The following KCNS3 variants were observed in gnomAD, a reference collection of about 807,000 sequenced individuals.
KCNS3 encodes the protein potassium voltage-gated channel modifier subfamily S member 3.
In KCNS3, 13 loss-of-function variants were observed where a neutral mutation model predicts 31.0. That is an observed-to-expected ratio of 0.42 (90% confidence interval 0.27 to 0.67). The LOEUF (loss-of-function observed/expected upper bound fraction) is 0.67, where lower values mean the gene tolerates loss of function less well. Ranked by LOEUF, KCNS3 falls within the 30% of genes least tolerant of loss-of-function variation. KCNS3 has a pLI of 0.25. For missense variants in KCNS3, 545 were observed against 622.4 expected, an observed-to-expected ratio of 0.88 and a Z score of 1.32; for synonymous variants, 238 against 241.5, an observed-to-expected ratio of 0.99 and a Z score of 0.13.
chr2:17,911,924 G>A (rs1236127691), intron 1 of KCNS3, among the ~76,000 whole-genome samples: 1 of 152,170 alleles, frequency 6.6e-6, no homozygotes, highest in East Asian at 1.9e-4. Flanking sequence ...AGTGCTGCAA[G>A]GATTAAATGG....
chr2:17,902,275 T>C (rs1333040363), intron 1 of KCNS3, among the ~76,000 whole-genome samples: 1 of 151,334 alleles, frequency 6.6e-6, no homozygotes, highest in Non-Finnish European at 1.5e-5. Context: ...AAAGGAAGGG[T>C]GAATGTAGAA....
At chr2:17,882,124 A>G (rs1674658447) in intron 1 of KCNS3, among the ~76,000 whole-genome samples, 1 of 152,202 alleles carries the variant, frequency 6.6e-6, no homozygotes, top group Admixed American at 6.5e-5. Context: ...AGTGCCCAGT[A>G]CTACAGGCAA....
At chr2:17,878,613 C>G (rs1319060271), upstream of KCNS3, 1 of 148,200 alleles carries the variant, frequency 6.7e-6, no homozygotes, top group African/African-American at 2.4e-5. Context: ...CGTCCGGCCC[C>G]GCCCCGCCCG....
rs527274909 is a variant in KCNS3, at chr2:17,886,409, C to T, written c.-252+7603C>T. Among the ~76,000 whole-genome samples the T allele has an allele frequency of 3.5e-4, 53 of 152,250 alleles. 2 individuals carry two copies. The South Asian group carries it at 8.5e-3, about 24-fold the overall frequency. The stretch of plus-strand genomic sequence containing the variant: ...GTTGTAGCAAAGGCATTTCATTATT[C>T]TTGTCTTTGAGTTCAGACAAAACAC... On this transcript the variant is annotated intron_variant, in intron 1 of 2. Coordinates refer to ENST00000304101, the MANE Select transcript of KCNS3 (RefSeq NM_002252.5).
intron 1 of KCNS3, among the ~76,000 whole-genome samples, chr2:17,892,155 G>T (rs1216217094): frequency 6.6e-6 from 1 of 151,952 alleles, no homozygotes; most frequent in Non-Finnish European, 1.5e-5. Context: ...TTGTTGGATT[G>T]GGTTAATTCG....
chr2:17,927,079 C>T (rs1662855876), intron 2 of KCNS3, among the ~76,000 whole-genome samples: 1 of 152,204 alleles, frequency 6.6e-6, no homozygotes, highest in Non-Finnish European at 1.5e-5. Flanking sequence ...AAATTTCTTC[C>T]ACCAGATACC....
chr2:17,882,052 C>T lies in KCNS3; in HGVS notation c.-252+3246C>T, dbSNP rs184271437. On this transcript the variant is annotated intron_variant, in intron 1 of 2. Coordinates refer to ENST00000304101, the MANE Select transcript of KCNS3 (RefSeq NM_002252.5). ...AACCACAGAACACTTTGTACTCCGA[C>T]GCAAATTTGTCAAGTAAATCAACCA... is the stretch of plus-strand genomic sequence containing the variant. 1.2e-3 allele frequency among the ~76,000 whole-genome samples: 186 copies of T among 152,258 alleles called. 2 individuals are homozygous for T. The highest frequency in any genetic ancestry group is 3.3e-3 in the South Asian group (16 of 4,824).
At chr2:17,912,208 A>G (rs1477120843) in intron 1 of KCNS3, among the ~76,000 whole-genome samples, 1 of 152,190 alleles carries the variant, frequency 6.6e-6, no homozygotes, top group Non-Finnish European at 1.5e-5. Context: ...AAACCCTGGG[A>G]TTTTGTGATA....
Position 17,932,576 on chromosome 2 carries a change from A to T in KCNS3, c.*92A>T. Reference sequence around the variant, plus strand: ...TCAGTGGGTTCGTTAAAATCATTTAATTCTCAGGGTGTACCTTTCAGCCAT... The same window carrying T: ...TCAGTGGGTTCGTTAAAATCATTTATTTCTCAGGGTGTACCTTTCAGCCAT... On this transcript the variant is annotated 3_prime_UTR_variant, in exon 3 of 3. Coordinates refer to ENST00000304101, the MANE Select transcript of KCNS3 (RefSeq NM_002252.5). 1 of 1,326,104 alleles carries T rather than the reference A, an allele frequency of 7.5e-7. No individual in the cohort carries two copies. The allele number at this position is 1,326,104 out of a possible 1,614,324, so 82.1% of individuals were successfully genotyped here.
chr2:17,916,998 A>G (rs1213149165), intron 1 of KCNS3, among the ~76,000 whole-genome samples: 1 of 152,134 alleles, frequency 6.6e-6, no homozygotes, highest in East Asian at 1.9e-4. Flanking sequence ...CTGGGTGGAA[A>G]CTGGATTTTT....
chr2:17,908,840 C>T (rs1662400851), intron 1 of KCNS3, among the ~76,000 whole-genome samples: 1 of 152,294 alleles, frequency 6.6e-6, no homozygotes, highest in Admixed American at 6.5e-5. Flanking sequence ...CAGAGGGGTA[C>T]CCGGCCGTGT....
intron 2 of KCNS3, among the ~76,000 whole-genome samples, chr2:17,929,011 G>C (rs73918989): frequency 1.4e-4 from 21 of 152,260 alleles, no homozygotes; most frequent in African/African-American, 5.1e-4. Context: ...CTTTTGCCCC[G>C]TGCAGCTTTC....
intron 1 of KCNS3, among the ~76,000 whole-genome samples, chr2:17,883,062 A>G (rs958759162): frequency 6.6e-5 from 10 of 152,210 alleles, no homozygotes; most frequent in African/African-American, 2.4e-4. Flanking sequence ...CTTCAGTTGC[A>G]CAAGTATTGA....
intron 1 of KCNS3, among the ~76,000 whole-genome samples, chr2:17,888,626 AATGT>A (rs1179714156): frequency 2.1e-5 from 1 of 47,576 alleles, no homozygotes; most frequent in Non-Finnish European, 4.0e-5. Context: ...TAATAAAAAA[AATGT>A]ATATATATAT....
chr2:17,895,444 T>C (rs1481211422), intron 1 of KCNS3, among the ~76,000 whole-genome samples: 1 of 152,150 alleles, frequency 6.6e-6, no homozygotes, highest in Non-Finnish European at 1.5e-5. Context: ...TAGTCAGACA[T>C]TGAATCACCA....
In KCNS3 at chr2:17,932,387, T is replaced by C. The variant is rs1043518476; in HGVS notation, c.1379T>C (p.Ile460Thr). 3 of 1,613,978 alleles carry C rather than the reference T, an allele frequency of 1.9e-6. No homozygotes were observed. The highest frequency in any genetic ancestry group is 1.3e-5 in the African/African-American group (1 of 74,900). ...ATTACCAGTCTCTCTTCTGTAGGCA[T>C]TGTGGTGAGCGATCCTGACTCCACA... ...TFITSLSSVG[I>T]VVSDPDSTDA... The change falls in exon 3 of 3, where the codon ATT becomes ACT. Residue 460 changes from isoleucine (I) to threonine (T), a missense_variant. Transcript: ENST00000304101.
intron 1 of KCNS3, among the ~76,000 whole-genome samples, chr2:17,901,393 G>C (rs1042670946): frequency 6.6e-6 from 1 of 152,204 alleles, no homozygotes; most frequent in African/African-American, 2.4e-5. Flanking sequence ...GTGCTGGCTG[G>C]CTGCCAACAG....
At chr2:17,909,684 G>C (rs1662426082) in intron 1 of KCNS3, among the ~76,000 whole-genome samples, 1 of 152,174 alleles carries the variant, frequency 6.6e-6, no homozygotes, top group South Asian at 2.1e-4. Context: ...GAAGACTTGA[G>C]GGAAGTGAGA....
At chr2:17,878,471 G>A (rs1674557433), upstream of KCNS3, among the ~76,000 whole-genome samples, 1 of 151,824 alleles carries the variant, frequency 6.6e-6, no homozygotes. Context: ...CCGCCTGTCT[G>A]GCGGTCGGAG....
Sources: allele counts gnomAD v4.1 joint callset (sites outside exome capture counted in the v4.1 genomes callset), GRCh38; gene constraint gnomAD v4.1.1; transcripts MANE v1.5; gene names NCBI Gene and HGNC (gene_info 2026-07-23, HGNC 2026-07-21).